RPS29: variants seen among roughly 807,000 people sequenced by gnomAD.
The protein encoded by RPS29 is ribosomal protein S29.
For missense variants in RPS29, 60 were observed against 75.7 expected, an observed-to-expected ratio of 0.79 and a Z score of 0.77; for synonymous variants, 37 against 26.9, an observed-to-expected ratio of 1.37 and a Z score of -1.16.
downstream of RPS29, among the ~76,000 whole-genome samples, chr14:49,579,525 G>C (rs1881278102): frequency 6.6e-6 from 1 of 152,156 alleles, no homozygotes; most frequent in Non-Finnish European, 1.5e-5. Context: ...AACACTGCAA[G>C]ACCCTGTCTC....
chr14:49,582,424 C>G (rs892358126), downstream of RPS29, among the ~76,000 whole-genome samples: 1 of 152,224 alleles, frequency 6.6e-6, no homozygotes, highest in Non-Finnish European at 1.5e-5. Context: ...TATGCTGTAA[C>G]CTCTATTAAG....
downstream of RPS29, among the ~76,000 whole-genome samples, chr14:49,582,266 AAAAGT>A (rs1244935877): frequency 6.6e-6 from 1 of 152,250 alleles, no homozygotes; most frequent in Non-Finnish European, 1.5e-5. Flanking sequence ...CCACCTCTAC[AAAAGT>A]AAGTTTCCAA....
At chr14:49,575,781 T>G (rs1456267863) in exon 3 of RPS29, 1 of 152,086 alleles carries the variant, frequency 6.6e-6, no homozygotes, top group African/African-American at 2.4e-5. Flanking sequence ...GCCCAGGAGG[T>G]TGAGGTTGCA....
intron 1 of RPS29, chr14:49,597,493 T>G (rs1185346242): frequency 6.6e-6 from 1 of 152,206 alleles, no homozygotes; most frequent in East Asian, 1.9e-4. Flanking sequence ...TCTACATTAT[T>G]ACCCTCTCAA....
intron 2 of RPS29, among the ~76,000 whole-genome samples, chr14:49,578,445 G>C (rs897362907): frequency 6.6e-6 from 1 of 150,458 alleles, no homozygotes; most frequent in Non-Finnish European, 1.5e-5. Flanking sequence ...TTTTTTCCCT[G>C]TGTACTTGTT....
At chr14:49,579,480 T>A (rs1428649247), downstream of RPS29, among the ~76,000 whole-genome samples, 1 of 152,134 alleles carries the variant, frequency 6.6e-6, no homozygotes, top group African/African-American at 2.4e-5. Flanking sequence ...GGCAAGAGGA[T>A]CACTTGAGGC....
At chr14:49,595,241 G>T (rs1383640654) in intron 1 of RPS29, among the ~76,000 whole-genome samples, 1 of 151,890 alleles carries the variant, frequency 6.6e-6, no homozygotes, top group Admixed American at 6.6e-5. Context: ...GATCAAATGT[G>T]CTAGGGCAAG....
At chr14:49,598,529 G>A (rs1177932738) in exon 1 of RPS29, 1 of 702,402 alleles carries the variant, frequency 1.4e-6, no homozygotes, top group Admixed American at 2.0e-5. Flanking sequence ...GTCCGCGCCG[G>A]GAAATGCGCC....
chr14:49,594,925 G>C (rs1881787076), intron 1 of RPS29, among the ~76,000 whole-genome samples: 1 of 152,164 alleles, frequency 6.6e-6, no homozygotes, highest in African/African-American at 2.4e-5. Context: ...TCATTGAACA[G>C]AACTCTTGCT....
chr14:49,583,547 C>A, downstream of RPS29: 3 of 1,019,244 alleles, frequency 2.9e-6, no homozygotes, highest in South Asian at 3.3e-5. Flanking sequence ...TTAGCTATTC[C>A]AGTCACATTA....
At chr14:49,592,707 G>A (rs187853477) in intron 1 of RPS29, among the ~76,000 whole-genome samples, 5,448 of 149,840 alleles carry the variant, frequency 0.036, 300 homozygotes, top group African/African-American at 0.12. Flanking sequence ...TCAGGAGTTC[G>A]AGACCAGCCT....
At chr14:49,587,012 A>G (rs1881602167), upstream of RPS29, 2 of 152,594 alleles carry the variant, frequency 1.3e-5, no homozygotes, top group East Asian at 3.8e-4. Context: ...TCGACTCACC[A>G]GTGACACCTA....
chr14:49,591,343 C>G (rs1881705594), upstream of RPS29, among the ~76,000 whole-genome samples: 1 of 151,876 alleles, frequency 6.6e-6, no homozygotes, highest in Non-Finnish European at 1.5e-5. Context: ...ACTCTGTTGC[C>G]CAGGCTGGAG....
chr14:49,574,919 C>T (rs1881139078), exon 3 of RPS29: 1 of 152,248 alleles, frequency 6.6e-6, no homozygotes, highest in Non-Finnish European at 1.5e-5. Context: ...TGAAATGTGT[C>T]CTTTGGACTC....
At chr14:49,581,284 C>G (rs552346957), downstream of RPS29, among the ~76,000 whole-genome samples, 1 of 152,312 alleles carries the variant, frequency 6.6e-6, no homozygotes, top group East Asian at 1.9e-4. Context: ...CACACTTCCC[C>G]TCCTCTCAGA....
Position 49,586,367 on chromosome 14 carries a change from G to A in RPS29, c.-21C>T, listed in dbSNP as rs758133472. ...CCCATCTTGCTCTCAGCAGTGCAAC[G>A]AGGTAAAAGGAAGAAGCTGGCCCAC... On this transcript the variant is annotated 5_prime_UTR_variant, in exon 1 of 3. Transcript: ENST00000245458. The A allele has an allele frequency of 3.8e-5, 62 of 1,611,190 alleles. No individual in the cohort carries two copies. Among genetic ancestry groups the A allele is most frequent in the East Asian group, 1.1e-4 (5 of 44,894 alleles).
chr14:49,592,761 A>T (rs1881742787), intron 1 of RPS29, among the ~76,000 whole-genome samples: 1 of 150,666 alleles, frequency 6.6e-6, no homozygotes, highest in Non-Finnish European at 1.5e-5. Context: ...ACACAAAATT[A>T]GCCCGGCGTG....
exon 3 of RPS29, chr14:49,571,201 G>C (rs539669923): frequency 6.6e-6 from 1 of 152,202 alleles, no homozygotes; most frequent in Non-Finnish European, 1.5e-5. Context: ...CCCCAGAAAA[G>C]GTGAAAATTG....
chr14:49,595,675 A>G (rs544299967), intron 1 of RPS29, among the ~76,000 whole-genome samples: 1 of 152,160 alleles, frequency 6.6e-6, no homozygotes, highest in Non-Finnish European at 1.5e-5. Flanking sequence ...AATGAGCTAC[A>G]AAGTGAGCAA....
Sources: gnomAD v4.1 joint callset for allele counts (sites outside exome capture counted in the v4.1 genomes callset) on GRCh38, gnomAD v4.1.1 for gene constraint, MANE v1.5 for transcripts, NCBI Gene and HGNC (gene_info 2026-07-23, HGNC 2026-07-21) for gene names.